The following AOX1 variants were observed in gnomAD, a reference collection of about 807,000 sequenced individuals.
AOX1 encodes the protein aldehyde oxidase.
In AOX1, 153 loss-of-function variants were observed where a neutral mutation model predicts 169.5. The observed-to-expected ratio is 0.90, with a 90% CI of 0.79 to 1.03. The LOEUF (loss-of-function observed/expected upper bound fraction) is 1.03, where lower values mean the gene tolerates loss of function less well. AOX1 is among the 50% of genes least tolerant of loss of function. The probability of loss-of-function intolerance (pLI) is 0.00; values close to 1 mark genes in which losing one functional copy is unlikely to be tolerated. For missense variants in AOX1, 1,656 were observed against 1,663.9 expected (o/e 1.00, Z 0.08); for synonymous variants, 562 against 581.9 (o/e 0.97, Z 0.49).
At chr2:200,679,960 T>C (rs1346894510), downstream of AOX1, among the ~76,000 whole-genome samples, 2 of 152,122 alleles carry the variant, frequency 1.3e-5, no homozygotes, top group Non-Finnish European at 2.9e-5. Context: ...GTGTGCCTGT[T>C]ATCCTAGCTA....
chr2:200,630,144 C>T (rs1169608279), intron 20 of AOX1, among the ~76,000 whole-genome samples: 1 of 141,264 alleles, frequency 7.1e-6, no homozygotes, highest in African/African-American at 2.7e-5. Flanking sequence ...GAGGCTGAAG[C>T]AGGCAGATTG....
At position 200,597,584 on chromosome 2, in the gene AOX1, G is replaced by A. The variant is rs531878749; in HGVS notation, c.309+79G>A. 6.7e-5 allele frequency: 71 copies of A among 1,063,954 alleles called. No individual in the cohort carries two copies. The Admixed American group carries it at 9.4e-4, about 14-fold the overall frequency. 65.9% of individuals were successfully genotyped at this position (1,063,954 alleles called of 1,614,324 possible). A position where few individuals can be genotyped will look rare whatever the true frequency, so the allele number is the denominator to read the frequency against. ...ATTGAGTCCCTGAGATTAAGAGAGC[G>A]GAGCAGCCTGGGGCCTGCTGGCTCG... On this transcript the variant is annotated intron_variant, in intron 4 of 34. Transcript: ENST00000374700.
At chr2:200,655,956 T>C (rs2035673548) in intron 26 of AOX1, among the ~76,000 whole-genome samples, 1 of 152,232 alleles carries the variant, frequency 6.6e-6, no homozygotes, top group African/African-American at 2.4e-5. Flanking sequence ...GTTTATTAAG[T>C]TGACATTGGC....
chr2:200,625,312 C>T (rs2105728237), intron 19 of AOX1, among the ~76,000 whole-genome samples: 1 of 152,256 alleles, frequency 6.6e-6, no homozygotes, highest in East Asian at 1.9e-4. Context: ...AACACTTCAT[C>T]AATATTTTGT....
intron 1 of AOX1, among the ~76,000 whole-genome samples, chr2:200,587,597 C>T (rs1036746471): frequency 1.3e-5 from 2 of 152,170 alleles, no homozygotes; most frequent in African/African-American, 4.8e-5. Flanking sequence ...TTGTCTGCCC[C>T]TGCTGCCTGG....
chr2:200,639,615 AT>A (rs879558789), intron 23 of AOX1, among the ~76,000 whole-genome samples: 21 of 152,218 alleles, frequency 1.4e-4, no homozygotes, highest in African/African-American at 2.9e-4. Context: ...CCTGAAGGAG[AT>A]TTTTTTTAAT....
At chr2:200,602,924 T>C (rs2034446195) in intron 6 of AOX1, among the ~76,000 whole-genome samples, 1 of 152,192 alleles carries the variant, frequency 6.6e-6, no homozygotes, top group Non-Finnish European at 1.5e-5. Context: ...AGAACAGTGA[T>C]GACAATAACA....
Position 200,669,696 on chromosome 2 carries a change from C to A in AOX1, c.3920C>A (p.Thr1307Asn). ...CCCTTGACCCTTAATAGTCCACTGA[C>A]CCCGGAGAAGATTAGGATGGCCTGT... is the stretch of plus-strand genomic sequence containing the variant. ...HGPLTLNSPL[T>N]PEKIRMACED... The change falls in exon 34 of 35, where the codon ACC (threonine) becomes AAC (asparagine). Residue 1307 changes from threonine (T) to asparagine (N), a missense_variant. Physicochemically the swap from Thr to Asn is moderately conservative, Grantham distance 65. Transcript: ENST00000374700. 6.2e-7 allele frequency: 1 copy of A among 1,613,752 alleles called. No homozygotes were observed. Among genetic ancestry groups the A allele is most frequent in the Non-Finnish European group, 8.5e-7 (1 of 1,179,976 alleles).
At chr2:200,631,068 T>C (rs1297786685) in intron 20 of AOX1, among the ~76,000 whole-genome samples, 1 of 152,174 alleles carries the variant, frequency 6.6e-6, no homozygotes, top group Non-Finnish European at 1.5e-5. Context: ...AGATAAAATA[T>C]GTGGAGCATT....
At chr2:200,658,243 C>G (rs896819852) in intron 27 of AOX1, among the ~76,000 whole-genome samples, 5 of 152,342 alleles carry the variant, frequency 3.3e-5, no homozygotes, top group Non-Finnish European at 5.9e-5. Context: ...CCCTAACCAA[C>G]AGTGAATGTT....
At chr2:200,646,177 C>T (rs968309694) in intron 25 of AOX1, among the ~76,000 whole-genome samples, 5 of 152,128 alleles carry the variant, frequency 3.3e-5, no homozygotes, top group African/African-American at 7.2e-5. Flanking sequence ...CACTGTCAGT[C>T]TTTTTGATGT....
chr2:200,635,926 T>G (rs545459958), intron 21 of AOX1, among the ~76,000 whole-genome samples: 2 of 152,214 alleles, frequency 1.3e-5, no homozygotes, highest in South Asian at 4.2e-4. Flanking sequence ...ATTCCAGGCC[T>G]GCTTTTCTCT....
chr2:200,638,790 T>C (rs750494648), intron 23 of AOX1, among the ~76,000 whole-genome samples: 1 of 152,244 alleles, frequency 6.6e-6, no homozygotes, highest in African/African-American at 2.4e-5. Flanking sequence ...GTGATTCTTT[T>C]GCTTTATAAG....
chr2:200,623,040 C>T (rs7563294), intron 18 of AOX1, among the ~76,000 whole-genome samples: 27,151 of 151,794 alleles, frequency 0.18, 2,793 homozygotes, highest in African/African-American at 0.27. Flanking sequence ...GCCTTTTTTT[C>T]GATGATAAAA....
chr2:200,642,881 G>A (rs2035381573), intron 25 of AOX1, 80 bp downstream of exon 25: 4 of 1,394,572 alleles, frequency 2.9e-6, no homozygotes, highest in Non-Finnish European at 9.8e-7. Context: ...TCAGGTTGAG[G>A]AATTTGAGAC....
At position 200,660,072 on chromosome 2, in the gene AOX1, G is replaced by A. The variant is rs555708230; in HGVS notation, c.3375+3G>A. The A allele has an allele frequency of 6.2e-7, 1 of 1,611,182 alleles. No individual in the cohort carries two copies. The highest frequency in any genetic ancestry group is 1.1e-5 in the South Asian group (1 of 91,024). On this transcript the variant is annotated splice_donor_region_variant and intron_variant, in intron 29 of 34. Coordinates refer to ENST00000374700, the MANE Select transcript of AOX1 (RefSeq NM_001159.4). ...CTAAAGGAACTTGGAAAGACTGGGT[G>A]AGAATCAATGGTTCTCTGTATTTTA...
chr2:200,626,862 A>G (rs541244565), intron 19 of AOX1, among the ~76,000 whole-genome samples: 1 of 152,320 alleles, frequency 6.6e-6, no homozygotes, highest in East Asian at 1.9e-4. Context: ...ATCTTCACCA[A>G]CCACGATCCT....
intron 5 of AOX1, 125 bp downstream of exon 5, chr2:200,599,871 C>T (rs931318278): frequency 1.6e-5 from 11 of 676,852 alleles, no homozygotes; most frequent in African/African-American, 3.8e-5. Context: ...CTGTAACCTC[C>T]GCCTCCCAGG....
chr2:200,673,106 G>T (rs183666912), downstream of AOX1, among the ~76,000 whole-genome samples: 1 of 152,168 alleles, frequency 6.6e-6, no homozygotes, highest in Non-Finnish European at 1.5e-5. Flanking sequence ...CAAAAGTCGA[G>T]GGTAGATGCC....
Sources: gnomAD v4.1 joint callset for allele counts (sites outside exome capture counted in the v4.1 genomes callset) on GRCh38, gnomAD v4.1.1 for gene constraint, MANE v1.5 for transcripts, NCBI Gene and HGNC (gene_info 2026-07-23, HGNC 2026-07-21) for gene names.